GHR: variants seen among roughly 807,000 people sequenced by gnomAD.
GHR encodes the protein GH receptor.
Under a neutral mutation model 67.1 loss-of-function variants are expected in GHR, and 35 were observed. That is an observed-to-expected ratio of 0.52 (90% CI 0.40 to 0.69). The LOEUF (loss-of-function observed/expected upper bound fraction) is 0.69. Ranked by LOEUF, GHR falls within the 30% of genes least tolerant of loss-of-function variation. GHR has a pLI of 0.00. For synonymous variants in GHR, 272 were observed against 269.1 expected (o/e 1.01, Z -0.10); for missense variants, 792 against 764.6 (o/e 1.04, Z -0.42).
intron 1 of GHR, among the ~76,000 whole-genome samples, chr5:42,539,281 T>C (rs1011464798): frequency 6.6e-6 from 1 of 152,046 alleles, no homozygotes; most frequent in Non-Finnish European, 1.5e-5. Context: ...ATTACCAGAG[T>C]TTGTTTTCTG....
At chr5:42,466,885 T>TAAG in intron 1 of GHR, 1 of 1,467,666 alleles carries the variant, frequency 6.8e-7, no homozygotes, top group Non-Finnish European at 9.1e-7. Context: ...CTTCCTTACT[T>TAAG]GTTGTTCAAC....
At chr5:42,684,472 C>T (rs1005462303) in intron 3 of GHR, among the ~76,000 whole-genome samples, 3 of 152,178 alleles carry the variant, frequency 2.0e-5, no homozygotes, top group Non-Finnish European at 4.4e-5. Flanking sequence ...GTAGAAGGAC[C>T]TAAAATAGTG....
At chr5:42,481,365 C>T (rs563276297) in intron 1 of GHR, among the ~76,000 whole-genome samples, 4 of 152,274 alleles carry the variant, frequency 2.6e-5, no homozygotes, top group Admixed American at 1.3e-4. Context: ...AATTATGTGT[C>T]TTGGAGTTGC....
chr5:42,511,706 G>A lies in GHR; in HGVS notation c.-11-54158G>A, dbSNP rs539024302. Among the ~76,000 whole-genome samples the A allele has an allele frequency of 3.9e-5, 6 of 152,246 alleles. No homozygotes were observed. The South Asian group carries it at 1.2e-3, about 32-fold the overall frequency. On this transcript the variant is annotated intron_variant, in intron 1 of 9. Coordinates refer to ENST00000230882, the MANE Select transcript of GHR (RefSeq NM_000163.5). Reference sequence around the variant, plus strand: ...TGTGTTTGCAGGTGTGTGTGTGTGTGTTTGTGTGAAAGAGGAGAATGACTT... The same window carrying A: ...TGTGTTTGCAGGTGTGTGTGTGTGTATTTGTGTGAAAGAGGAGAATGACTT...
intron 2 of GHR, among the ~76,000 whole-genome samples, chr5:42,606,484 T>C (rs1330569688): frequency 6.6e-6 from 1 of 152,016 alleles, no homozygotes; most frequent in Non-Finnish European, 1.5e-5. Flanking sequence ...AGAAATCACA[T>C]GGCAAGAGAT....
At chr5:42,659,024 T>C (rs1409543294) in intron 3 of GHR, among the ~76,000 whole-genome samples, 1 of 152,192 alleles carries the variant, frequency 6.6e-6, no homozygotes, top group Non-Finnish European at 1.5e-5. Context: ...GCTTTCTAAG[T>C]TTCAGACATT....
chr5:42,446,715 G>A (rs1355434970), intron 1 of GHR, among the ~76,000 whole-genome samples: 1 of 152,170 alleles, frequency 6.6e-6, no homozygotes, highest in Non-Finnish European at 1.5e-5. Context: ...GATCTTGCCA[G>A]CATCTTTGTT....
At chr5:42,510,770 A>G (rs1446515377) in intron 1 of GHR, among the ~76,000 whole-genome samples, 1 of 152,180 alleles carries the variant, frequency 6.6e-6, no homozygotes, top group Non-Finnish European at 1.5e-5. Flanking sequence ...GGCCTACCAC[A>G]AAAGTGGTCA....
At chr5:42,486,282 G>A (rs572950516) in intron 1 of GHR, among the ~76,000 whole-genome samples, 3 of 152,112 alleles carry the variant, frequency 2.0e-5, no homozygotes, top group Admixed American at 1.3e-4. Flanking sequence ...CTCTCACCAC[G>A]AGCTTTTATC....
intron 1 of GHR, among the ~76,000 whole-genome samples, chr5:42,550,591 A>G (rs1748975128): frequency 6.6e-6 from 1 of 152,176 alleles, no homozygotes; most frequent in Non-Finnish European, 1.5e-5. Context: ...GGCAAAAGGG[A>G]AGCAGAACCA....
At chr5:42,543,931 C>G (rs548516230) in intron 1 of GHR, among the ~76,000 whole-genome samples, 1 of 151,920 alleles carries the variant, frequency 6.6e-6, no homozygotes, top group East Asian at 1.9e-4. Flanking sequence ...AAAAAAACAA[C>G]CTAATATTGC....
At chr5:42,470,145 A>G (rs1744938679) in intron 1 of GHR, among the ~76,000 whole-genome samples, 1 of 101,930 alleles carries the variant, frequency 9.8e-6, no homozygotes, top group Admixed American at 1.0e-4. Flanking sequence ...ACATTAATAT[A>G]CTATATATTA....
chr5:42,536,310 T>C (rs1169138757), intron 1 of GHR, among the ~76,000 whole-genome samples: 3 of 152,202 alleles, frequency 2.0e-5, no homozygotes, highest in African/African-American at 7.2e-5. Context: ...TTGTCATAAA[T>C]GGCTTTTATT....
intron 1 of GHR, chr5:42,548,371 C>T: frequency 5.1e-6 from 5 of 985,286 alleles, no homozygotes; most frequent in Non-Finnish European, 6.0e-6. Flanking sequence ...CACCTCCAAC[C>T]CCTCCCTCTC....
At chr5:42,654,065 T>C (rs569615726) in intron 3 of GHR, among the ~76,000 whole-genome samples, 1 of 152,246 alleles carries the variant, frequency 6.6e-6, no homozygotes, top group Non-Finnish European at 1.5e-5. Flanking sequence ...ATTTTTTCCC[T>C]CATCTGTTTA....
chr5:42,617,039 C>G (rs1753188069), intron 2 of GHR, among the ~76,000 whole-genome samples: 1 of 151,750 alleles, frequency 6.6e-6, no homozygotes, highest in African/African-American at 2.4e-5. Flanking sequence ...CTTAAAAGAT[C>G]CAGGAATGGA....
rs187726251 is a variant in GHR at position 42,622,001 on chromosome 5, A to T, written c.71-7037A>T. ...AGGAAAAACTATGGATAGGAATGTA[A>T]TTAATTCACTGAGCCACAAAAGATA... On this transcript the variant is annotated intron_variant, in intron 2 of 9. Coordinates refer to ENST00000230882, the MANE Select transcript of GHR (RefSeq NM_000163.5). Among the ~76,000 whole-genome samples the T allele has an allele frequency of 9.5e-4, 144 of 152,256 alleles. 1 individual carries two copies. The highest frequency in any genetic ancestry group is 3.4e-3 in the African/African-American group (142 of 41,560).
intron 2 of GHR, among the ~76,000 whole-genome samples, chr5:42,613,161 G>A (rs557084368): frequency 6.6e-6 from 1 of 152,216 alleles, no homozygotes; most frequent in Admixed American, 6.5e-5. Flanking sequence ...CCACTTCAAG[G>A]ACTTTTGTAA....
chr5:42,498,339 T>G (rs1191734958), intron 1 of GHR, among the ~76,000 whole-genome samples: 1 of 152,220 alleles, frequency 6.6e-6, no homozygotes, highest in Admixed American at 6.5e-5. Flanking sequence ...GAGATCTGAT[T>G]GGAAGGGTAA....
Sources: allele counts gnomAD v4.1 joint callset (sites outside exome capture counted in the v4.1 genomes callset), GRCh38; gene constraint gnomAD v4.1.1; transcripts MANE v1.5; gene names NCBI Gene and HGNC (gene_info 2026-07-23, HGNC 2026-07-21).